The following HMGN5 variants were observed in gnomAD, a reference collection of about 807,000 sequenced individuals.
HMGN5 encodes the protein high mobility group nucleosome binding domain 5, also known as high mobility group nucleosome-binding domain-containing protein 5.
HMGN5 carries 4 observed loss-of-function variants against 9.5 expected under a neutral mutation model. That is an observed-to-expected ratio of 0.42 (90% confidence interval 0.21 to 0.96). HMGN5 has a LOEUF of 0.96. HMGN5 is among the 40% of genes least tolerant of loss of function. The pLI is 0.30. For missense variants in HMGN5, 192 were observed against 187.5 expected (o/e 1.02, Z -0.14); for synonymous variants, 55 against 57.1 (o/e 0.96, Z 0.16).
chrX:81,134,021 G>A (rs2075304716), intron 1 of HMGN5, among the ~76,000 whole-genome samples: 1 of 111,295 alleles, frequency 9.0e-6, no homozygotes, highest in South Asian at 3.7e-4. Context: ...AAAAATACTT[G>A]TTTGTTTTCC....
At chrX:81,145,909 C>T (rs1461581504) in intron 1 of HMGN5, among the ~76,000 whole-genome samples, 1 of 111,267 alleles carries the variant, frequency 9.0e-6, no homozygotes, top group Non-Finnish European at 1.9e-5. Flanking sequence ...CAAAGAGGAG[C>T]ATTATATAGT....
chrX:81,165,569 T>A (rs986394367), intron 1 of HMGN5, among the ~76,000 whole-genome samples: 7 of 111,415 alleles, frequency 6.3e-5, no homozygotes, highest in African/African-American at 2.3e-4. Context: ...CAGGGCATTA[T>A]CCTATAAAAT....
chrX:81,125,544 G>T (rs1467960398), intron 1 of HMGN5, among the ~76,000 whole-genome samples: 2 of 111,521 alleles, frequency 1.8e-5, no homozygotes, highest in African/African-American at 3.3e-5. Context: ...TTTGCAGCAG[G>T]CCAAAGACTA....
At chrX:81,187,901 C>A (rs1361079293) in intron 1 of HMGN5, among the ~76,000 whole-genome samples, 1 of 110,871 alleles carries the variant, frequency 9.0e-6, no homozygotes, top group Admixed American at 9.7e-5. Flanking sequence ...AGGCTTACAA[C>A]CTTACAAGAG....
chrX:81,116,759 C>T (rs962240368), intron 5 of HMGN5, among the ~76,000 whole-genome samples: 2 of 111,548 alleles, frequency 1.8e-5, no homozygotes, highest in Admixed American at 1.9e-4. Flanking sequence ...GTTACGCCTC[C>T]ATTGGTAATA....
intron 1 of HMGN5, among the ~76,000 whole-genome samples, chrX:81,186,248 T>C (rs1410001627): frequency 8.9e-6 from 1 of 111,816 alleles, no homozygotes; most frequent in Admixed American, 9.5e-5. Context: ...TGCCAGGCTT[T>C]TCTTTACTAA....
chrX:81,190,384 A>G (rs2075490808), intron 1 of HMGN5, among the ~76,000 whole-genome samples: 1 of 110,875 alleles, frequency 9.0e-6, no homozygotes, highest in Non-Finnish European at 1.9e-5. Context: ...CACTATATTC[A>G]GTTATGTAAT....
chrX:81,138,475 G>T (rs2075317961), intron 1 of HMGN5, among the ~76,000 whole-genome samples: 1 of 111,297 alleles, frequency 9.0e-6, no homozygotes, highest in African/African-American at 3.3e-5. Flanking sequence ...GAGCCAGTTA[G>T]CAATAGAGAG....
chrX:81,118,822 TA>T (rs1428180595), intron 3 of HMGN5, 63 bp from the exon 4 acceptor site: 18 of 770,161 alleles, frequency 2.3e-5, no homozygotes, highest in Non-Finnish European at 3.3e-5. Flanking sequence ...GAATTATTTT[TA>T]TTGAGGTCAA....
chrX:81,192,041 A>G (rs746085886), intron 1 of HMGN5, among the ~76,000 whole-genome samples: 86 of 110,991 alleles, frequency 7.7e-4, no homozygotes, highest in African/African-American at 2.6e-3. Context: ...CTCCTTCATG[A>G]CTCTGATAAA....
At chrX:81,188,286 A>ATTATTC (rs2075483386) in intron 1 of HMGN5, among the ~76,000 whole-genome samples, 1 of 102,318 alleles carries the variant, frequency 9.8e-6, no homozygotes, top group African/African-American at 3.5e-5. Context: ...TATTATTATT[A>ATTATTC]TTATTATTAT....
intron 5 of HMGN5, among the ~76,000 whole-genome samples, chrX:81,117,824 A>G (rs1261203550): frequency 9.0e-6 from 1 of 110,702 alleles, no homozygotes; most frequent in Non-Finnish European, 1.9e-5. Context: ...AATGTTTCTC[A>G]TAGCTTTAAC....
chrX:81,125,118 T>C (rs2075279435), intron 1 of HMGN5, among the ~76,000 whole-genome samples: 1 of 109,365 alleles, frequency 9.1e-6, no homozygotes, highest in Admixed American at 1.0e-4. Flanking sequence ...TTAAAAGCAT[T>C]CTAGATACAC....
chrX:81,118,391 A>C, intron 5 of HMGN5, 41 bp downstream of exon 5: 1 of 971,228 alleles, frequency 1.0e-6, no homozygotes, highest in Non-Finnish European at 1.4e-6. Context: ...TTTTTGAAAA[A>C]AAAAGCAAAT....
intron 1 of HMGN5, among the ~76,000 whole-genome samples, chrX:81,167,664 C>G (rs1297575023): frequency 8.9e-6 from 1 of 112,029 alleles, no homozygotes; most frequent in Non-Finnish European, 1.9e-5. Flanking sequence ...TCTAGTGTGA[C>G]TAAGATTTTA....
At chrX:81,181,411 A>T (rs1402014330) in intron 1 of HMGN5, among the ~76,000 whole-genome samples, 1 of 111,528 alleles carries the variant, frequency 9.0e-6, no homozygotes, top group East Asian at 2.8e-4. Context: ...ATTGGTGTAA[A>T]TGGGGTATCC....
chrX:81,192,609 T>G (rs2075496938), intron 1 of HMGN5, among the ~76,000 whole-genome samples: 1 of 112,226 alleles, frequency 8.9e-6, no homozygotes, highest in Non-Finnish European at 1.9e-5. Context: ...AGCTATAATC[T>G]TTTTTATTTT....
chrX:81,148,694 A>C (rs1340090664), intron 1 of HMGN5, among the ~76,000 whole-genome samples: 1 of 111,925 alleles, frequency 8.9e-6, no homozygotes, highest in Non-Finnish European at 1.9e-5. Flanking sequence ...GCGAACAGGC[A>C]GCCTACAGAA....
chrX:81,158,695 T>TTTGGAG (rs1162292742), intron 1 of HMGN5, among the ~76,000 whole-genome samples: 2 of 112,200 alleles, frequency 1.8e-5, no homozygotes, highest in Admixed American at 9.5e-5. Flanking sequence ...AATTTTTGCT[T>TTTGGAG]TTGTTGTAAT....
Sources: gnomAD v4.1 joint callset for allele counts (sites outside exome capture counted in the v4.1 genomes callset) on GRCh38, gnomAD v4.1.1 for gene constraint, MANE v1.5 for transcripts, NCBI Gene and HGNC (gene_info 2026-07-23, HGNC 2026-07-21) for gene names.